PCDHGB6: variants seen among roughly 807,000 people sequenced by gnomAD.
PCDHGB6 encodes protocadherin gamma subfamily B, 6, also known as protocadherin gamma-B6.
A neutral mutation model predicts 59.1 loss-of-function variants in PCDHGB6; 51 were observed. That is an observed-to-expected ratio of 0.86 (90% CI 0.69 to 1.09). The LOEUF (loss-of-function observed/expected upper bound fraction) is 1.09, where lower values mean the gene tolerates loss of function less well. Among genes scored for constraint, PCDHGB6 ranks in the 50% least tolerant of loss-of-function variants. The pLI, the probability that PCDHGB6 is intolerant of heterozygous loss-of-function variation, is 0.00. For synonymous variants in PCDHGB6, 466 were observed against 495.1 expected (o/e 0.94, Z 0.78); for missense variants, 1,148 against 1,205.1 (o/e 0.95, Z 0.70).
intron 1 of PCDHGB6, among the ~76,000 whole-genome samples, chr5:141,460,976 T>C (rs1444476508): frequency 7.6e-6 from 1 of 131,636 alleles, no homozygotes; most frequent in Non-Finnish European, 1.6e-5. Flanking sequence ...TGTGTGTGTG[T>C]GTGTGTGTAT....
rs1451071413 is a variant in PCDHGB6, at chr5:141,415,742, T to G, written c.2418+5122T>G. 19 of 216,608 alleles carry G rather than the reference T, an allele frequency of 8.8e-5. 1 individual carries two copies. In the Admixed American group the frequency reaches 4.5e-3, roughly 51 times the overall value. 13.4% of individuals were successfully genotyped at this position (216,608 alleles called of 1,614,324 possible). ...AGTAGAATTTGATGTTTATTAAGGT[T>G]TTTTTTTTTTTTTTTTTTTTTTTTT... On this transcript the variant is annotated intron_variant, in intron 1 of 3. Transcript: ENST00000520790.
chr5:141,421,312 GC>G, intron 1 of PCDHGB6: 1 of 1,613,748 alleles, frequency 6.2e-7, no homozygotes, highest in Non-Finnish European at 8.5e-7. Flanking sequence ...GGGGTTCCGG[GC>G]CAGGCAGATC....
At chr5:141,413,785 C>G (rs771027783) in intron 1 of PCDHGB6, 17 of 1,613,070 alleles carry the variant, frequency 1.1e-5, no homozygotes, top group Non-Finnish European at 1.4e-5. Flanking sequence ...GGAGCACTCC[C>G]TAGATCGCGA....
chr5:141,422,973 T>G (rs1157516415), intron 1 of PCDHGB6: 1 of 1,614,102 alleles, frequency 6.2e-7, no homozygotes, highest in Non-Finnish European at 8.5e-7. Flanking sequence ...CGCCCCGCTC[T>G]GCGGAACCTG....
intron 1 of PCDHGB6, chr5:141,426,408 G>A (rs2096933631): frequency 1.2e-5 from 3 of 258,388 alleles, no homozygotes; most frequent in South Asian, 4.8e-5. Flanking sequence ...CAGAAGAAAC[G>A]GTCCAGGGCT....
chr5:141,414,060 G>C (rs769101242), intron 1 of PCDHGB6: 1 of 1,609,304 alleles, frequency 6.2e-7, no homozygotes, highest in South Asian at 1.1e-5. Flanking sequence ...AATTGTTGAA[G>C]TTCCAACTAA....
chr5:141,449,263 AC>A (rs1308401244), intron 1 of PCDHGB6, among the ~76,000 whole-genome samples: 3 of 152,152 alleles, frequency 2.0e-5, no homozygotes, highest in African/African-American at 7.2e-5. Flanking sequence ...TGTACAAAGA[AC>A]TGTATCTCCT....
rs2099612736 is a variant in PCDHGB6 at position 141,485,393 on chromosome 5, C to T, written c.2419-9414C>T. The T allele has an allele frequency of 6.2e-7, 1 of 1,614,154 alleles. No homozygotes were observed. The highest frequency in any genetic ancestry group is 1.7e-5 in the Admixed American group (1 of 60,020). ...GGTCGCTGGAGAGGTGAACCAAAGA[C>T]ACTTCCGTGTGGATTTGGACAGCGG... On this transcript the variant is annotated intron_variant, in intron 1 of 3. Coordinates refer to ENST00000520790, the MANE Select transcript of PCDHGB6 (RefSeq NM_018926.3). The surrounding 1 kb of genome is among the most constrained non-coding windows in gnomAD (Gnocchi z 5.7).
intron 1 of PCDHGB6, chr5:141,419,492 A>G: frequency 6.2e-7 from 1 of 1,612,358 alleles, no homozygotes; most frequent in South Asian, 1.1e-5. Flanking sequence ...GCTCAGCGCC[A>G]ATGTGAGCCT....
chr5:141,472,980 C>CAAAAAAAAAAAAAAAAAGAAAAAAAA (rs2099309731), intron 1 of PCDHGB6, among the ~76,000 whole-genome samples: 1 of 86,100 alleles, frequency 1.2e-5, no homozygotes, highest in African/African-American at 3.9e-5. Flanking sequence ...GAGTGAAACT[C>CAAAAAAAAAAAAAAAAAGAAAAAAAA]AAAAAAAAAA....
In PCDHGB6 at chr5:141,487,938, G is replaced by A; in HGVS notation, c.2419-6869G>A. ...GAGGCTACAGTGCACAGGGTACAGT[G>A]CACCAGGCAGTCACTTGGACAAAGG... is the stretch of plus-strand genomic sequence containing the variant. On this transcript the variant is annotated intron_variant, in intron 1 of 3. Coordinates refer to ENST00000520790, the MANE Select transcript of PCDHGB6 (RefSeq NM_018926.3). This position sits in a 1 kb window ranked among gnomAD's most constrained non-coding sequence, Gnocchi z 5.0. 1.7e-6 allele frequency: 1 copy of A among 600,308 alleles called. No homozygotes were observed. The highest frequency in any genetic ancestry group is 2.9e-6 in the Non-Finnish European group (1 of 342,970). 37.2% of individuals were successfully genotyped at this position (600,308 alleles called of 1,614,324 possible).
At position 141,420,340 on chromosome 5, in the gene PCDHGB6, G is replaced by A. The variant is rs1405507680; in HGVS notation, c.2418+9720G>A. ...ATATGCCAATATATTCCAATATAGT[G>A]GTATTATTTTAAGATTCTAGATAAC... On this transcript the variant is annotated intron_variant, in intron 1 of 3. Transcript: ENST00000520790. The A allele has an allele frequency of 2.9e-6, 4 of 1,387,388 alleles. No homozygotes were observed. In the African/African-American group the frequency reaches 4.4e-5, roughly 15 times the overall value. 85.9% of individuals were successfully genotyped at this position (1,387,388 alleles called of 1,614,324 possible). A position where few individuals can be genotyped will look rare whatever the true frequency, so the allele number is the denominator to read the frequency against.
chr5:141,497,326 T>C (rs1021730142), intron 2 of PCDHGB6, among the ~76,000 whole-genome samples: 1 of 152,060 alleles, frequency 6.6e-6, no homozygotes, highest in Non-Finnish European at 1.5e-5. Flanking sequence ...TGAAGCAGAA[T>C]TCACCATTGA....
rs1484571389 is a variant in PCDHGB6, at chr5:141,408,026, G to A, written c.-177G>A. 2.8e-6 allele frequency: 3 copies of A among 1,081,716 alleles called. No homozygotes were observed. Among genetic ancestry groups the A allele is most frequent in the African/African-American group, 3.2e-5 (2 of 62,972 alleles). The allele number at this position is 1,081,716 out of a possible 1,614,324, so 67.0% of individuals were successfully genotyped here. A position where few individuals can be genotyped will look rare whatever the true frequency, so the allele number is the denominator to read the frequency against. On this transcript the variant is annotated 5_prime_UTR_variant, in exon 1 of 4. Coordinates refer to ENST00000520790, the MANE Select transcript of PCDHGB6 (RefSeq NM_018926.3). ...TTCCCTGCGCAGCCAACAACAGAAAGAAGAAAACCAGCTCCCACACAGAGC... is the reference window on the plus strand; with the variant it reads ...TTCCCTGCGCAGCCAACAACAGAAAAAAGAAAACCAGCTCCCACACAGAGC...
chr5:141,479,021 T>C (rs72790064), intron 1 of PCDHGB6, among the ~76,000 whole-genome samples: 1,892 of 152,352 alleles, frequency 0.012, 20 homozygotes, highest in Non-Finnish European at 0.018. Context: ...TAATTTTCCT[T>C]TGTTTATACA....
intron 1 of PCDHGB6, chr5:141,414,452 T>C (rs767824112): frequency 6.2e-7 from 1 of 1,613,886 alleles, no homozygotes. Flanking sequence ...AATATCACAG[T>C]GACAGCCACA....
chr5:141,413,737 A>AC, intron 1 of PCDHGB6: 1 of 1,613,410 alleles, frequency 6.2e-7, no homozygotes, highest in Non-Finnish European at 8.5e-7. Flanking sequence ...AAGAGTTCAG[A>AC]GCCGTGCCAA....
In PCDHGB6 at chr5:141,431,819, A is replaced by C. The variant is rs2097420237; in HGVS notation, c.2418+21199A>C. On this transcript the variant is annotated intron_variant, in intron 1 of 3. Transcript: ENST00000520790. The surrounding 1 kb of genome is among the most constrained non-coding windows in gnomAD (Gnocchi z 4.8). ...AGAAGTGGTCCTCACCTCTCTCGCC[A>C]GCTCGGTTCCCGAAAACTCTCCCAG... 6.2e-7 allele frequency: 1 copy of C among 1,614,154 alleles called. No individual in the cohort carries two copies. Among genetic ancestry groups the C allele is most frequent in the Admixed American group, 1.7e-5 (1 of 60,018 alleles).
At chr5:141,478,513 G>A in intron 1 of PCDHGB6, 1 of 1,611,520 alleles carries the variant, frequency 6.2e-7, no homozygotes. Context: ...TCTATAGGCA[G>A]GTGTTGGGTG....
Sources: gnomAD v4.1 joint callset for allele counts (sites outside exome capture counted in the v4.1 genomes callset) on GRCh38, gnomAD v4.1.1 for gene constraint, Gnocchi (gnomAD v3.1) non-coding constraint, MANE v1.5 for transcripts, NCBI Gene and HGNC (gene_info 2026-07-23, HGNC 2026-07-21) for gene names.